The following RAB38 variants were observed in gnomAD, a reference collection of about 807,000 sequenced individuals.
The protein encoded by RAB38 is RAB38, member RAS oncogene family.
Under a neutral mutation model 18.4 loss-of-function variants are expected in RAB38, and 15 were observed. The ratio of observed to expected loss-of-function variants is 0.82; its 90% CI spans 0.55 to 1.26. RAB38 has a LOEUF of 1.26. RAB38 is among the 50% of genes most tolerant of loss of function. The pLI is 0.00. For synonymous variants in RAB38, 101 were observed against 104.4 expected (o/e 0.97, Z 0.20); for missense variants, 294 against 267.4 (o/e 1.10, Z -0.69).
At chr11:88,132,316 G>T (rs146381926) in intron 2 of RAB38, among the ~76,000 whole-genome samples, 1 of 152,154 alleles carries the variant, frequency 6.6e-6, no homozygotes, top group Non-Finnish European at 1.5e-5. Context: ...CATTTATGAC[G>T]TCCTTGAACT....
chr11:87,967,611 G>A, the RAB38 span, among the ~76,000 whole-genome samples: 1 of 152,174 alleles, frequency 6.6e-6, no homozygotes, highest in Non-Finnish European at 1.5e-5. Context: ...GGCAATGTGA[G>A]GGGTGAGGAA....
At chr11:88,143,467 C>G (rs1942942525) in intron 2 of RAB38, among the ~76,000 whole-genome samples, 1 of 152,158 alleles carries the variant, frequency 6.6e-6, no homozygotes, top group African/African-American at 2.4e-5. Context: ...CAGCTGAGTT[C>G]CAACAAAACT....
the RAB38 span, among the ~76,000 whole-genome samples, chr11:87,862,120 C>T: frequency 6.6e-6 from 1 of 151,766 alleles, no homozygotes; most frequent in Admixed American, 6.6e-5. Context: ...CCTCAAAGAC[C>T]TAAAGACAAA....
At chr11:88,033,679 T>C in the RAB38 span, among the ~76,000 whole-genome samples, 1 of 151,686 alleles carries the variant, frequency 6.6e-6, no homozygotes, top group Non-Finnish European at 1.5e-5. Context: ...GTATCCATCA[T>C]TATAGTAAAG....
chr11:87,917,574 T>C, the RAB38 span, among the ~76,000 whole-genome samples: 1 of 134,606 alleles, frequency 7.4e-6, no homozygotes, highest in African/African-American at 2.7e-5. Context: ...AGACAAAACA[T>C]ATTTATTCCA....
the RAB38 span, among the ~76,000 whole-genome samples, chr11:87,838,315 C>T: frequency 0.023 from 3,562 of 152,114 alleles, 68 homozygotes; most frequent in African/African-American, 0.056. Context: ...GGAGTTTCAC[C>T]GTGTTAGCCA....
At chr11:88,015,181 T>C in the RAB38 span, among the ~76,000 whole-genome samples, 2 of 152,168 alleles carry the variant, frequency 1.3e-5, no homozygotes, top group African/African-American at 4.8e-5. Context: ...AGTACTCATC[T>C]ATCTACTCAT....
chr11:87,817,095 A>G, the RAB38 span: 1 of 152,142 alleles, frequency 6.6e-6, no homozygotes, highest in Non-Finnish European at 1.5e-5. Flanking sequence ...AACACCTTCA[A>G]CCTAATTAGG....
the RAB38 span, among the ~76,000 whole-genome samples, chr11:88,099,316 T>C: frequency 1.3e-5 from 2 of 151,618 alleles, no homozygotes; most frequent in African/African-American, 4.8e-5. Flanking sequence ...TTAATGACTT[T>C]TATGCCCTAG....
chr11:87,821,293 A>G, the RAB38 span, among the ~76,000 whole-genome samples: 1 of 152,228 alleles, frequency 6.6e-6, no homozygotes, highest in Non-Finnish European at 1.5e-5. Flanking sequence ...GCAACCACAG[A>G]TGCTAGAATA....
chr11:88,006,679 A>G, the RAB38 span, among the ~76,000 whole-genome samples: 2 of 149,804 alleles, frequency 1.3e-5, no homozygotes. Context: ...GCCATAAAAA[A>G]TGAAATCCTG....
the RAB38 span, among the ~76,000 whole-genome samples, chr11:88,013,377 T>C: frequency 6.6e-6 from 1 of 152,180 alleles, no homozygotes; most frequent in Non-Finnish European, 1.5e-5. Flanking sequence ...AGAATAGAAG[T>C]GAATGCCGTT....
At chr11:87,903,264 C>A in the RAB38 span, among the ~76,000 whole-genome samples, 1 of 151,240 alleles carries the variant, frequency 6.6e-6, no homozygotes, top group African/African-American at 2.4e-5. Flanking sequence ...TCCTATTGTT[C>A]TAGGCATATT....
chr11:88,028,032 T>G, the RAB38 span, among the ~76,000 whole-genome samples: 1 of 152,104 alleles, frequency 6.6e-6, no homozygotes, highest in African/African-American at 2.4e-5. Context: ...GAGACAAAAC[T>G]TCCAGAAGAA....
At chr11:88,019,007 C>T in the RAB38 span, among the ~76,000 whole-genome samples, 1 of 151,862 alleles carries the variant, frequency 6.6e-6, no homozygotes, top group Admixed American at 6.6e-5. Context: ...TCCCTCCTAC[C>T]TCACTGACCA....
At chr11:87,950,639 T>G in the RAB38 span, among the ~76,000 whole-genome samples, 47 of 152,086 alleles carry the variant, frequency 3.1e-4, no homozygotes, top group Admixed American at 1.4e-3. Flanking sequence ...TCTCCTTCAG[T>G]TATGAAGCTT....
the RAB38 span, among the ~76,000 whole-genome samples, chr11:87,914,258 A>G: frequency 1.3e-5 from 2 of 152,126 alleles, no homozygotes; most frequent in African/African-American, 4.8e-5. Flanking sequence ...ATAGAAACAT[A>G]GACAGTAAAG....
chr11:88,127,466 A>T (rs903583062), intron 2 of RAB38, among the ~76,000 whole-genome samples: 1 of 152,162 alleles, frequency 6.6e-6, no homozygotes, highest in Non-Finnish European at 1.5e-5. Context: ...ACACAGTTTG[A>T]CAACTACTGA....
chr11:88,052,935 T>TATTTCATATATATATATATATC, the RAB38 span, among the ~76,000 whole-genome samples: 292 of 85,782 alleles, frequency 3.4e-3, 11 homozygotes, highest in African/African-American at 0.014. Flanking sequence ...TATATATATA[T>TATTTCATATATATATATATATC]ATATATATAA....
Sources: allele counts gnomAD v4.1 joint callset (sites outside exome capture counted in the v4.1 genomes callset), GRCh38; gene constraint gnomAD v4.1.1; transcripts MANE v1.5; gene names NCBI Gene and HGNC (gene_info 2026-07-23, HGNC 2026-07-21).